Variants in NELL1 observed in about 807,000 individuals in gnomAD.
NELL1 encodes the protein protein kinase C-binding protein NELL1.
NELL1 carries 76 observed loss-of-function variants against 107.4 expected under a neutral mutation model. That is an observed-to-expected ratio of 0.71 (90% CI 0.59 to 0.86). The LOEUF (loss-of-function observed/expected upper bound fraction) is 0.86, where lower values mean the gene tolerates loss of function less well. Among genes scored for constraint, NELL1 ranks in the 40% least tolerant of loss-of-function variants. The pLI is 0.00. For missense variants in NELL1, 1,024 were observed against 1,005.5 expected (o/e 1.02, Z -0.25); for synonymous variants, 353 against 341.2 (o/e 1.03, Z -0.38).
chr11:21,294,735 A>G (rs6483761), intron 14 of NELL1, among the ~76,000 whole-genome samples: 139,788 of 152,082 alleles, frequency 0.92, 64,438 homozygotes, highest in Non-Finnish European at 0.95. Flanking sequence ...TAAAAGTCAA[A>G]GGGTTTGGCT....
chr11:20,982,029 G>T (rs1355481467), intron 12 of NELL1, among the ~76,000 whole-genome samples: 1 of 151,466 alleles, frequency 6.6e-6, no homozygotes, highest in Non-Finnish European at 1.5e-5. Context: ...TTCACAGGCA[G>T]ATTGGTTCAA....
chr11:20,691,830 T>A lies in NELL1; in HGVS notation c.184+13770T>A, dbSNP rs557294691. On this transcript the variant is annotated intron_variant, in intron 2 of 19. Coordinates refer to ENST00000357134, the MANE Select transcript of NELL1 (RefSeq NM_006157.5). ...AGTTAGGGAGGATTCCCTCTTTTTCTATTGATTGGAATAGTTTCAGAAGGA... is the reference window on the plus strand; with the variant it reads ...AGTTAGGGAGGATTCCCTCTTTTTCAATTGATTGGAATAGTTTCAGAAGGA... 8.1e-3 allele frequency among the ~76,000 whole-genome samples: 1,232 copies of A among 151,862 alleles called. 12 individuals carry two copies. The highest frequency in any genetic ancestry group is 0.028 in the African/African-American group (1,171 of 41,488).
At chr11:21,388,887 A>G (rs1309153494) in intron 15 of NELL1, among the ~76,000 whole-genome samples, 1 of 151,868 alleles carries the variant, frequency 6.6e-6, no homozygotes, top group East Asian at 1.9e-4. Context: ...CTGAATAGGC[A>G]TCTAAAATTA....
At chr11:21,398,538 G>A (rs1852029786) in intron 15 of NELL1, among the ~76,000 whole-genome samples, 1 of 151,638 alleles carries the variant, frequency 6.6e-6, no homozygotes, top group South Asian at 2.1e-4. Context: ...GAAGTCAGGA[G>A]GAGGATCAAA....
At chr11:20,892,999 C>T (rs141030527) in intron 5 of NELL1, among the ~76,000 whole-genome samples, 2,342 of 150,230 alleles carry the variant, frequency 0.016, 21 homozygotes, top group Middle Eastern at 0.025. Context: ...ATAGCAAAGA[C>T]GTGGAACTAA....
chr11:20,696,919 T>C (rs1854633333), intron 2 of NELL1, among the ~76,000 whole-genome samples: 1 of 152,176 alleles, frequency 6.6e-6, no homozygotes, highest in Non-Finnish European at 1.5e-5. Context: ...CTGAATTGTT[T>C]ATAGCTTGGC....
chr11:21,424,763 A>T (rs765299641), intron 15 of NELL1, among the ~76,000 whole-genome samples: 48 of 152,226 alleles, frequency 3.2e-4, no homozygotes, highest in Non-Finnish European at 5.6e-4. Flanking sequence ...AGAAAATCTG[A>T]ATAAACCTAT....
rs186432138 is a variant in NELL1, at chr11:21,193,262, A to G, written c.1427-36070A>G. ...CCTGTCGAAGAGGTTGGAATAGGAC[A>G]GAAAACTTTACATTTGTAATGTTCA... On this transcript the variant is annotated intron_variant, in intron 13 of 19. Transcript: ENST00000357134. Among the ~76,000 whole-genome samples the G allele has an allele frequency of 2.6e-5, 4 of 151,954 alleles. No individual in the cohort carries two copies. In the East Asian group the frequency reaches 7.7e-4, roughly 29 times the overall value.
intron 2 of NELL1, among the ~76,000 whole-genome samples, chr11:20,688,984 C>G (rs1026444691): frequency 2.0e-5 from 3 of 152,040 alleles, no homozygotes; most frequent in African/African-American, 7.2e-5. Context: ...GATGGTATCT[C>G]TTTGTGGTTT....
chr11:21,086,405 C>G (rs1386533519), intron 12 of NELL1, among the ~76,000 whole-genome samples: 1 of 152,070 alleles, frequency 6.6e-6, no homozygotes, highest in Non-Finnish European at 1.5e-5. Context: ...CTAGTATTTT[C>G]ATTTACTAAA....
chr11:21,180,979 C>T (rs1856814087), intron 13 of NELL1, among the ~76,000 whole-genome samples: 1 of 151,658 alleles, frequency 6.6e-6, no homozygotes, highest in Admixed American at 6.6e-5. Flanking sequence ...AAAGTAAACA[C>T]CATGTCAAAG....
intron 4 of NELL1, among the ~76,000 whole-genome samples, chr11:20,857,085 C>T (rs887600734): frequency 4.6e-5 from 7 of 152,186 alleles, no homozygotes; most frequent in Non-Finnish European, 1.0e-4. Context: ...AAAGGTATAA[C>T]TGCCCTGCTG....
intron 3 of NELL1, among the ~76,000 whole-genome samples, chr11:20,839,551 G>A (rs1321847338): frequency 1.3e-5 from 2 of 152,176 alleles, no homozygotes; most frequent in African/African-American, 4.8e-5. Flanking sequence ...CATAATCAGT[G>A]TTGGATACTA....
chr11:21,509,183 C>A (rs1463925275), intron 15 of NELL1, among the ~76,000 whole-genome samples: 9 of 152,184 alleles, frequency 5.9e-5, no homozygotes, highest in Non-Finnish European at 1.2e-4. Flanking sequence ...TATCTCACAC[C>A]CACTGTAGTG....
At chr11:21,574,013 T>G (rs1002454780) in intron 19 of NELL1, among the ~76,000 whole-genome samples, 1 of 151,858 alleles carries the variant, frequency 6.6e-6, no homozygotes, top group African/African-American at 2.4e-5. Flanking sequence ...GACATCCTCA[T>G]GTGTCATTAA....
chr11:21,413,898 T>G (rs186919617), intron 15 of NELL1, among the ~76,000 whole-genome samples: 5 of 152,174 alleles, frequency 3.3e-5, no homozygotes, highest in Non-Finnish European at 5.9e-5. Flanking sequence ...AGTGGAAGCA[T>G]GTAAACAACA....
At chr11:20,677,383 C>G (rs1793004) in intron 1 of NELL1, among the ~76,000 whole-genome samples, 104,625 of 152,020 alleles carry the variant, frequency 0.69, 36,380 homozygotes, top group Middle Eastern at 0.82. Context: ...ATCTTGTATC[C>G]GCAGTCACCA....
chr11:20,968,263 C>T (rs1851424999), intron 12 of NELL1, among the ~76,000 whole-genome samples: 1 of 152,130 alleles, frequency 6.6e-6, no homozygotes, highest in Non-Finnish European at 1.5e-5. Flanking sequence ...ATATAAACTG[C>T]ATGAGGGCAG....
chr11:21,430,015 A>T (rs1270240838), intron 15 of NELL1, among the ~76,000 whole-genome samples: 1 of 152,192 alleles, frequency 6.6e-6, no homozygotes, highest in African/African-American at 2.4e-5. Flanking sequence ...AACTTGAAAC[A>T]TCTCAGATAC....
Sources: allele counts gnomAD v4.1 joint callset (sites outside exome capture counted in the v4.1 genomes callset), GRCh38; gene constraint gnomAD v4.1.1; transcripts MANE v1.5; gene names NCBI Gene and HGNC (gene_info 2026-07-23, HGNC 2026-07-21).